TUBA3D: variants seen among roughly 807,000 people sequenced by gnomAD.
TUBA3D encodes the protein tubulin alpha-3D chain.
Under a neutral mutation model 36.1 loss-of-function variants are expected in TUBA3D, and 24 were observed. That is an observed-to-expected ratio of 0.66 (90% confidence interval 0.48 to 0.93). TUBA3D has a LOEUF of 0.93. Among genes scored for constraint, TUBA3D ranks in the 40% least tolerant of loss-of-function variants. The probability of loss-of-function intolerance (pLI) is 0.00; values close to 1 mark genes in which losing one functional copy is unlikely to be tolerated. For synonymous variants in TUBA3D, 185 were observed against 247.2 expected (o/e 0.75, Z 2.36); for missense variants, 356 against 614.5 (o/e 0.58, Z 4.45).
Position 131,476,175 on chromosome 2 carries a change from T to C in TUBA3D, c.-25T>C, listed in dbSNP as rs2105267035. ...AGCCGGTTGAGGTCTGGCAGTAGCG[T>C]TGGGCTGAAGCAGCGGAGTTCGCCA... On this transcript the variant is annotated 5_prime_UTR_variant, in exon 1 of 5. Transcript: ENST00000321253. 1.9e-6 allele frequency: 3 copies of C among 1,613,814 alleles called. No homozygotes were observed. Among genetic ancestry groups the C allele is most frequent in the Non-Finnish European group, 2.5e-6 (3 of 1,179,938 alleles).
At chr2:131,482,524 G>A in intron 4 of TUBA3D, 28 bp from the exon 5 acceptor site, 2 of 1,584,770 alleles carry the variant, frequency 1.3e-6, no homozygotes, top group Non-Finnish European at 1.7e-6. Flanking sequence ...TAAGCTTCAT[G>A]GACTGCTTTC....
At chr2:131,479,906 G>A (rs1004723294) in intron 3 of TUBA3D, among the ~76,000 whole-genome samples, 163 bp from the exon 4 acceptor site, 6 of 152,170 alleles carry the variant, frequency 3.9e-5, no homozygotes, top group African/African-American at 1.4e-4. Flanking sequence ...TGATTTGTCC[G>A]TAGATCTTTG....
In TUBA3D at chr2:131,478,180, T is replaced by A. The variant is rs760926055; in HGVS notation, c.20T>A (p.Ile7Asn). Reference protein sequence around the residue: MRECISIHVGQAGVQIG... With the variant: MRECISNHVGQAGVQIG... Reference sequence around the variant, plus strand: ...TGTTCACAGCGCGAGTGTATCTCTATCCACGTGGGGCAGGCGGGTGTCCAG... The same window carrying A: ...TGTTCACAGCGCGAGTGTATCTCTAACCACGTGGGGCAGGCGGGTGTCCAG... The change falls in exon 2 of 5, where the codon ATC (isoleucine) becomes AAC (asparagine). Residue 7 changes from isoleucine to asparagine, a missense_variant. Around this residue, in one of 3 missense-constraint regions of TUBA3D, gnomAD observed 109 missense variants for 153.7 expected, o/e 0.71. Transcript: ENST00000321253. 2 of 1,613,696 alleles carry A rather than the reference T, an allele frequency of 1.2e-6. No individual in the cohort carries two copies.
chr2:131,481,735 T>A (rs1405320295), intron 4 of TUBA3D, among the ~76,000 whole-genome samples: 4 of 152,048 alleles, frequency 2.6e-5, no homozygotes, highest in African/African-American at 4.8e-5. Context: ...ACCCAGCTAA[T>A]ATTTGTATTT....
At position 131,480,145 on chromosome 2, in the gene TUBA3D, C is replaced by T; in HGVS notation, c.452C>T (p.Ser151Phe). The part of the protein sequence containing the change: ...FGGGTGSGFA[S>F]LLMERLSVDY... ...GGCGGCACTGGCTCTGGGTTCGCATCTCTGCTCATGGAGCGGCTCTCAGTG... is the reference window on the plus strand; with the variant it reads ...GGCGGCACTGGCTCTGGGTTCGCATTTCTGCTCATGGAGCGGCTCTCAGTG... Residue 151 changes from serine to phenylalanine, a missense_variant, in exon 4 of 5, where the codon TCT (serine) becomes TTT (phenylalanine). Ser to Phe is a radical substitution (Grantham distance 155). Around this residue, in one of 3 missense-constraint regions of TUBA3D, gnomAD observed 91 missense variants for 240.9 expected, o/e 0.38. Coordinates refer to ENST00000321253, the MANE Select transcript of TUBA3D (RefSeq NM_080386.4). The T allele has an allele frequency of 6.2e-7, 1 of 1,613,862 alleles. No individual in the cohort carries two copies. Among genetic ancestry groups the T allele is most frequent in the Non-Finnish European group, 8.5e-7 (1 of 1,180,004 alleles).
In TUBA3D at chr2:131,478,353, G is replaced by A; in HGVS notation, c.193G>A (p.Ala65Thr). 1.9e-6 allele frequency: 3 copies of A among 1,613,878 alleles called. No individual in the cohort carries two copies. The highest frequency in any genetic ancestry group is 2.5e-6 in the Non-Finnish European group (3 of 1,179,814). ...TGGAGCTGGCAAGCACGTGCCCAGA[G>A]CAGTGTTTGTGGACCTGGAGCCCAC... The part of the protein sequence containing the change: ...ETGAGKHVPR[A>T]VFVDLEPTVV... Residue 65 changes from alanine (A) to threonine (T), a missense_variant, in exon 2 of 5, where the codon GCA becomes ACA. Physicochemically the swap from Ala to Thr is moderately conservative, Grantham distance 58. This residue lies in a region of TUBA3D where 109 missense variants were observed against 153.7 expected (regional missense o/e 0.71). Coordinates refer to ENST00000321253, the MANE Select transcript of TUBA3D (RefSeq NM_080386.4).
chr2:131,478,106 C>A, intron 1 of TUBA3D, 58 bp from the exon 2 acceptor site: 1 of 1,578,096 alleles, frequency 6.3e-7, no homozygotes, highest in Non-Finnish European at 8.6e-7. Flanking sequence ...TTTTGCATGC[C>A]ATATAGTTTC....
chr2:131,480,582 G>A lies in TUBA3D; in HGVS notation c.889G>A (p.Glu297Lys). 1 of 1,611,520 alleles carries A rather than the reference G, an allele frequency of 6.2e-7. No individual in the cohort carries two copies. Among genetic ancestry groups the A allele is most frequent in the Non-Finnish European group, 8.5e-7 (1 of 1,179,902 alleles). Reference sequence around the variant, plus strand: ...GGCCGAGATCACCAATGCCTGCTTCGAGCCAGCCAATCAAATGGTCAAGTG... The same window carrying A: ...GGCCGAGATCACCAATGCCTGCTTCAAGCCAGCCAATCAAATGGTCAAGTG... Reference protein sequence around the residue: ...SVAEITNACFEPANQMVKCDP... With the variant: ...SVAEITNACFKPANQMVKCDP... Residue 297 changes from glutamate to lysine, a missense_variant, in exon 4 of 5, where the codon GAG becomes AAG. Physicochemically the swap from Glu to Lys is moderately conservative, Grantham distance 56. Around this residue, in one of 3 missense-constraint regions of TUBA3D, gnomAD observed 156 missense variants for 219.8 expected, o/e 0.71. Coordinates refer to ENST00000321253, the MANE Select transcript of TUBA3D (RefSeq NM_080386.4).
At chr2:131,476,548 G>C (rs1178532095) in intron 1 of TUBA3D, among the ~76,000 whole-genome samples, 1 of 152,232 alleles carries the variant, frequency 6.6e-6, no homozygotes, top group Non-Finnish European at 1.5e-5. Context: ...GGAGCCCCAG[G>C]AGCCTTCGGT....
intron 1 of TUBA3D, 24 bp downstream of exon 1, chr2:131,476,226 C>A (rs1486814925): frequency 3.1e-6 from 5 of 1,613,898 alleles, no homozygotes; most frequent in Middle Eastern, 1.7e-4. Flanking sequence ...CACTCCCGCC[C>A]CGCAGATGCC....
chr2:131,477,999 T>C (rs1002819666), intron 1 of TUBA3D, among the ~76,000 whole-genome samples, 165 bp from the exon 2 acceptor site: 3 of 152,192 alleles, frequency 2.0e-5, no homozygotes, highest in African/African-American at 7.2e-5. Context: ...CAATTAGTTT[T>C]CACAGCGATA....
chr2:131,482,576 A>C lies in TUBA3D; in HGVS notation c.1081A>C (p.Thr361Pro), dbSNP rs547261375. 1.7e-5 allele frequency: 27 copies of C among 1,610,720 alleles called. No individual in the cohort carries two copies. Among genetic ancestry groups the C allele is most frequent in the Non-Finnish European group, 2.2e-5 (26 of 1,177,534 alleles). ...FKVGINYQPP[T>P]VVPGGDLAKV... ...GGTGGGCATTAACTACCAGCCCCCC[A>C]CAGTGGTCCCCGGGGGAGACCTGGC... The change falls in exon 5 of 5, where the codon ACA (threonine) becomes CCA (proline). Residue 361 changes from threonine to proline, a missense_variant. Thr to Pro is a conservative substitution (Grantham distance 38). Around this residue, in one of 3 missense-constraint regions of TUBA3D, gnomAD observed 156 missense variants for 219.8 expected, o/e 0.71. Transcript: ENST00000321253.
intron 1 of TUBA3D, among the ~76,000 whole-genome samples, chr2:131,477,395 G>A (rs1678709819): frequency 6.6e-6 from 1 of 152,174 alleles, no homozygotes. Flanking sequence ...ATGACGTCTG[G>A]GAGCCATTAC....
intron 2 of TUBA3D, chr2:131,478,593 G>T: frequency 1.1e-6 from 1 of 877,666 alleles, no homozygotes; most frequent in South Asian, 1.9e-5. Context: ...TGACCTACAG[G>T]GAAAAGCTGC....
rs1678766373 is a variant in TUBA3D at position 131,479,169 on chromosome 2, A to G, written c.227-139A>G. On this transcript the variant is annotated intron_variant, in intron 2 of 4. Coordinates refer to ENST00000321253, the MANE Select transcript of TUBA3D (RefSeq NM_080386.4). ...CACACAGAGACATTTTCTACCAGAC[A>G]CTGCCACTGTTGACCTATGACATGT... is the stretch of plus-strand genomic sequence containing the variant. 8.0e-6 allele frequency: 11 copies of G among 1,373,534 alleles called. No homozygotes were observed. In the South Asian group the frequency reaches 1.5e-4, roughly 19 times the overall value. The allele number at this position is 1,373,534 out of a possible 1,614,324, so 85.1% of individuals were successfully genotyped here.
chr2:131,480,050 G>A lies in TUBA3D; in HGVS notation c.376-19G>A, dbSNP rs770769549. The stretch of plus-strand genomic sequence containing the variant: ...GTGGCTTCCATGGGCATTGGCTCAC[G>A]TTGTGTGGTTTCTCTCAGGCGGATC... On this transcript the variant is annotated intron_variant, in intron 3 of 4. Coordinates refer to ENST00000321253, the MANE Select transcript of TUBA3D (RefSeq NM_080386.4). 9 of 1,563,686 alleles carry A rather than the reference G, an allele frequency of 5.8e-6. No homozygotes were observed. Among genetic ancestry groups the A allele is most frequent in the South Asian group, 2.4e-5 (2 of 82,372 alleles).
intron 4 of TUBA3D, among the ~76,000 whole-genome samples, chr2:131,481,581 C>A (rs1678869038): frequency 6.6e-6 from 1 of 152,114 alleles, no homozygotes; most frequent in South Asian, 2.1e-4. Context: ...ATTACAGGCA[C>A]CTGCCACCAC....
rs1317953048 is a variant in TUBA3D at position 131,480,493 on chromosome 2, T to C, written c.800T>C (p.Phe267Ser). 5 of 1,589,478 alleles carry C rather than the reference T, an allele frequency of 3.1e-6. No homozygotes were observed. The highest frequency in any genetic ancestry group is 1.7e-5 in the Admixed American group (1 of 59,434). The change falls in exon 4 of 5, where the codon TTC (phenylalanine) becomes TCC (serine). Residue 267 changes from phenylalanine to serine, a missense_variant. Phe to Ser is a radical substitution (Grantham distance 155). Around this residue, in one of 3 missense-constraint regions of TUBA3D, gnomAD observed 91 missense variants for 240.9 expected, o/e 0.38. Transcript: ENST00000321253. ...CTAGTGCCGTACCCCCGCATCCACT[T>C]CCCCCTGGCCACCTATGCCCCAGTC... ...TNLVPYPRIH[F>S]PLATYAPVIS... is the part of the protein sequence containing the mutation.
rs2104724716 is a variant in TUBA3D at position 131,479,996 on chromosome 2, G to GC, written c.376-72dup. 4.0e-6 allele frequency: 6 copies of GC among 1,507,372 alleles called. No homozygotes were observed. In the East Asian group the frequency reaches 1.4e-4, roughly 34 times the overall value. 93.4% of individuals were successfully genotyped at this position (1,507,372 alleles called of 1,614,324 possible). Reference sequence around the variant, plus strand: ...ATCAACTCTTTAGAGGCAAAGAGAAGCGGCCCTGGCTTGTTGGAGGTTGGT... The same window carrying GC: ...ATCAACTCTTTAGAGGCAAAGAGAAGCCGGCCCTGGCTTGTTGGAGGTTGGT... On this transcript the variant is annotated intron_variant, in intron 3 of 4. Transcript: ENST00000321253.
Sources: allele counts gnomAD v4.1 joint callset (sites outside exome capture counted in the v4.1 genomes callset), GRCh38; gene constraint gnomAD v4.1.1; regional missense constraint gnomAD v4.1.1; transcripts MANE v1.5; gene names NCBI Gene and HGNC (gene_info 2026-07-23, HGNC 2026-07-21).